Variants in CEACAM18 observed in about 807,000 individuals in gnomAD.
CEACAM18 encodes the protein cell adhesion molecule CEACAM18.
CEACAM18 carries 33 observed loss-of-function variants against 34.3 expected under a neutral mutation model. The observed-to-expected ratio is 0.96, with a 90% CI of 0.73 to 1.29. The LOEUF (loss-of-function observed/expected upper bound fraction) is 1.29, where lower values mean the gene tolerates loss of function less well. Ranked by LOEUF, CEACAM18 falls within the 50% of genes most tolerant of loss-of-function variation. The pLI, the probability that CEACAM18 is intolerant of heterozygous loss-of-function variation, is 0.00. For synonymous variants in CEACAM18, 169 were observed against 180.9 expected (o/e 0.93, Z 0.53); for missense variants, 474 against 485.0 (o/e 0.98, Z 0.21).
chr19:51,490,606 G>C (rs1475817068), exon 6 of CEACAM18: 2 of 1,232,248 alleles, frequency 1.6e-6, no homozygotes, highest in African/African-American at 3.1e-5. Flanking sequence ...GGCTCCATGA[G>C]TGTCCACCCC....
intron 5 of CEACAM18, among the ~76,000 whole-genome samples, chr19:51,489,808 C>T (rs761246167): frequency 6.6e-6 from 1 of 152,166 alleles, no homozygotes; most frequent in Non-Finnish European, 1.5e-5. Flanking sequence ...ACAGTAAGCA[C>T]TTCATAAAAT....
chr19:51,483,020 G>T (rs768709100), exon 4 of CEACAM18: 11 of 1,613,792 alleles, frequency 6.8e-6, no homozygotes, highest in Non-Finnish European at 9.3e-6. Flanking sequence ...TCTACAGATG[G>T]GCCCGACTAT....
At chr19:51,484,318 CTTT>C (rs546695435) in intron 4 of CEACAM18, among the ~76,000 whole-genome samples, 1 of 141,376 alleles carries the variant, frequency 7.1e-6, no homozygotes, top group Non-Finnish European at 1.5e-5. Context: ...GCTGGGGAAG[CTTT>C]TTTTTTTTTT....
chr19:51,486,679 A>G (rs1332900116), intron 5 of CEACAM18, among the ~76,000 whole-genome samples: 1 of 150,400 alleles, frequency 6.6e-6, no homozygotes, highest in African/African-American at 2.5e-5. Context: ...TTGTTTATTG[A>G]GCTAATTTTC....
At chr19:51,480,485 G>A (rs371514477) in exon 2 of CEACAM18, 17 of 1,613,732 alleles carry the variant, frequency 1.1e-5, no homozygotes, top group Admixed American at 1.7e-5. Flanking sequence ...AAACGACAGC[G>A]CAGGAAACAT....
upstream of CEACAM18, chr19:51,478,582 A>G (rs532919221): frequency 8.4e-6 from 12 of 1,433,532 alleles, no homozygotes; most frequent in South Asian, 1.2e-4. Flanking sequence ...TCTTGGAGGG[A>G]GCAGAGGAGG....
chr19:51,483,753 T>C (rs2041442669), intron 4 of CEACAM18, among the ~76,000 whole-genome samples: 1 of 152,152 alleles, frequency 6.6e-6, no homozygotes, highest in Admixed American at 6.5e-5. Flanking sequence ...ACTGCTCCCT[T>C]CAGCTGCTTC....
At position 51,478,979 on chromosome 19, in the gene CEACAM18, C is replaced by CAG. The variant is rs879683634; in HGVS notation, c.52+301_52+302dup. Among the ~76,000 whole-genome samples the CAG allele has an allele frequency of 5.7e-4, 86 of 150,502 alleles. No homozygotes were observed. The Middle Eastern group carries it at 0.01, about 18-fold the overall frequency. ...GCACACACACACACGCGCGCACACA[C>CAG]AGAGAGAGAGAGAGAGAAACTGTGT... On this transcript the variant is annotated intron_variant, in intron 1 of 5. Transcript: ENST00000396477.
At chr19:51,482,084 A>G (rs73049688) in intron 3 of CEACAM18, among the ~76,000 whole-genome samples, 10,625 of 151,954 alleles carry the variant, frequency 0.07, 533 homozygotes, top group South Asian at 0.19. Flanking sequence ...AGTCCCTGTC[A>G]CTCTCTTTCA....
At chr19:51,488,144 C>T (rs1017705783) in intron 5 of CEACAM18, among the ~76,000 whole-genome samples, 6 of 152,184 alleles carry the variant, frequency 3.9e-5, no homozygotes, top group South Asian at 2.1e-4. Context: ...GAAGAGAGCT[C>T]GAGGTGGAAA....
At chr19:51,481,759 G>A (rs916795443) in intron 3 of CEACAM18, 94 bp downstream of exon 3, 82 of 1,307,036 alleles carry the variant, frequency 6.3e-5, no homozygotes, top group Non-Finnish European at 8.4e-5. Context: ...CTGGAGAGAG[G>A]GGGCATCCTG....
chr19:51,480,291 CTT>C (rs745603298), intron 1 of CEACAM18, 40 bp from the exon 2 acceptor site: 35 of 1,467,062 alleles, frequency 2.4e-5, no homozygotes, highest in Non-Finnish European at 3.0e-5. Context: ...GTCTGAATCT[CTT>C]TGTGAATTTC....
chr19:51,484,476 C>G (rs1476249647), intron 4 of CEACAM18, among the ~76,000 whole-genome samples: 1 of 152,172 alleles, frequency 6.6e-6, no homozygotes, highest in Admixed American at 6.5e-5. Context: ...CTGTGCCCAG[C>G]TAATTTTTGT....
exon 1 of CEACAM18, chr19:51,478,677 G>A (rs1240785531): frequency 4.1e-6 from 6 of 1,477,236 alleles, no homozygotes; most frequent in East Asian, 2.6e-5. Context: ...AGCCTGTGGA[G>A]GAGGGTCTTC....
intron 4 of CEACAM18, 87 bp downstream of exon 4, chr19:51,483,383 C>T: frequency 6.7e-7 from 1 of 1,488,772 alleles, no homozygotes; most frequent in Non-Finnish European, 9.3e-7. Context: ...AGGAGTGCCA[C>T]CTCCACTGTG....
At chr19:51,483,441 G>A (rs746640639) in intron 4 of CEACAM18, 145 bp downstream of exon 4, 17 of 1,002,862 alleles carry the variant, frequency 1.7e-5, no homozygotes, top group Non-Finnish European at 2.4e-5. Flanking sequence ...GTTCTCTGAG[G>A]TCTGGGTCCA....
At chr19:51,482,438 G>T (rs977624450) in intron 3 of CEACAM18, among the ~76,000 whole-genome samples, 1 of 152,128 alleles carries the variant, frequency 6.6e-6, no homozygotes, top group African/African-American at 2.4e-5. Flanking sequence ...TAAAGCGCAG[G>T]CTACGGCACC....
chr19:51,482,950 G>C, intron 3 of CEACAM18, 67 bp from the exon 4 acceptor site: 1 of 1,571,164 alleles, frequency 6.4e-7, no homozygotes, highest in African/African-American at 1.3e-5. Context: ...GGCTGGGGGA[G>C]GACTTCATGA....
At chr19:51,483,020 G>A in exon 4 of CEACAM18, 4 of 1,613,792 alleles carry the variant, frequency 2.5e-6, no homozygotes, top group Non-Finnish European at 3.4e-6. Flanking sequence ...TCTACAGATG[G>A]GCCCGACTAT....
Sources: allele counts gnomAD v4.1 joint callset (sites outside exome capture counted in the v4.1 genomes callset), GRCh38; gene constraint gnomAD v4.1.1; transcripts MANE v1.5; gene names NCBI Gene and HGNC (gene_info 2026-07-23, HGNC 2026-07-21).